Variants in ZNF629 observed in about 807,000 individuals in gnomAD.
ZNF629 encodes the protein DNA-binding protein.
ZNF629 carries 9 observed loss-of-function variants against 59.7 expected under a neutral mutation model. The ratio of observed to expected loss-of-function variants is 0.15; its 90% CI spans 0.09 to 0.26. The LOEUF is 0.26. Ranked by LOEUF, ZNF629 falls within the 10% of genes least tolerant of loss-of-function variation. The pLI is 1.00. For missense variants in ZNF629, 853 were observed against 1,165.4 expected (o/e 0.73, Z 3.90); for synonymous variants, 509 against 498.9 (o/e 1.02, Z -0.27).
chr16:30,780,442 G>A lies in ZNF629; in HGVS notation c.*1276C>T, dbSNP rs1369794225. The A allele has an allele frequency of 2.6e-5, 4 of 152,644 alleles. No individual in the cohort carries two copies. Among genetic ancestry groups the A allele is most frequent in the Admixed American group, 1.3e-4 (2 of 15,284 alleles). The allele number at this position is 152,644 out of a possible 1,614,324, so 9.5% of individuals were successfully genotyped here. A position where few individuals can be genotyped will look rare whatever the true frequency, so the allele number is the denominator to read the frequency against. The stretch of plus-strand genomic sequence containing the variant: ...AGAAATTCTGTGGCCCTGATGACTT[G>A]GAGAAGGCTGGGGAGGCCCACACGC... On this transcript the variant is annotated 3_prime_UTR_variant, in exon 3 of 3. Coordinates refer to ENST00000262525, the MANE Select transcript of ZNF629 (RefSeq NM_001080417.3).
chr16:30,784,751 T>G (rs550161464), intron 1 of ZNF629, among the ~76,000 whole-genome samples: 1 of 152,208 alleles, frequency 6.6e-6, no homozygotes, highest in South Asian at 2.1e-4. Flanking sequence ...TTTAAGAGCG[T>G]AATTAAAAAC....
chr16:30,784,275 T>C, intron 2 of ZNF629, 21 bp from the exon 3 acceptor site: 1 of 1,583,736 alleles, frequency 6.3e-7, no homozygotes. Flanking sequence ...AAAGGGAGTC[T>C]ACAGCCCCCA....
Position 30,782,261 on chromosome 16 carries a change from G to C in ZNF629, c.2067C>G (p.Pro689=), listed in dbSNP as rs746952400. The change falls in exon 3 of 3, where the codon CCC becomes CCG. Residue 689 remains proline (P), a synonymous_variant. Transcript: ENST00000262525. ...QHQLTHGNEK[P]FLFPDYRIGL... ...CAATTCTATAATCAGGAAAGAGAAA[G>C]GGCTTTTCGTTGCCGTGGGTGAGCT... 1 of 1,613,414 alleles carries C rather than the reference G, an allele frequency of 6.2e-7. No individual in the cohort carries two copies. The highest frequency in any genetic ancestry group is 1.7e-5 in the Admixed American group (1 of 59,980).
At chr16:30,784,363 G>A (rs1260340057) in intron 2 of ZNF629, 47 bp downstream of exon 2, 2 of 1,545,544 alleles carry the variant, frequency 1.3e-6, no homozygotes, top group Admixed American at 2.0e-5. Flanking sequence ...TCCCTGAGCC[G>A]GGACCACCGT....
chr16:30,787,022 A>C lies in ZNF629; in HGVS notation c.-34+6T>G, dbSNP rs1303620825. 1.3e-5 allele frequency: 2 copies of C among 152,154 alleles called. No individual in the cohort carries two copies. The highest frequency in any genetic ancestry group is 2.9e-5 in the Non-Finnish European group (2 of 68,020). The allele number at this position is 152,154 out of a possible 1,614,324, so 9.4% of individuals were successfully genotyped here. Reference sequence around the variant, plus strand: ...CCCCCCGGGAACCCAGGCGTCCCCAACTCACGGCTCTGGGGTCTGGGAAAA... The same window carrying C: ...CCCCCCGGGAACCCAGGCGTCCCCACCTCACGGCTCTGGGGTCTGGGAAAA... On this transcript the variant is annotated splice_donor_region_variant and intron_variant, in intron 1 of 2. Coordinates refer to ENST00000262525, the MANE Select transcript of ZNF629 (RefSeq NM_001080417.3).
In ZNF629 at chr16:30,782,028, G is replaced by C; in HGVS notation, c.2300C>G (p.Pro767Arg). Residue 767 changes from proline (P) to arginine (R), a missense_variant, in exon 3 of 3, where the codon CCC becomes CGC. Physicochemically the swap from Pro to Arg is moderately radical, Grantham distance 103 (BLOSUM62 -2). This residue lies in a region of ZNF629 where 420 missense variants were observed against 435.6 expected (regional missense o/e 0.96). Transcript: ENST00000262525. ...EHLRSPLGARPYRCSDCRASF... is the reference protein window; with the variant it reads ...EHLRSPLGARRYRCSDCRASF... ...GGCCCTGCAATCTGAGCAGCGGTAG[G>C]GTCTGGCCCCCAGGGGGCTCCTGAG... is the stretch of plus-strand genomic sequence containing the variant. 6.3e-7 allele frequency: 1 copy of C among 1,575,166 alleles called. No homozygotes were observed. The highest frequency in any genetic ancestry group is 2.2e-5 in the East Asian group (1 of 44,458).
chr16:30,786,922 C>T lies in ZNF629; in HGVS notation c.-34+106G>A, dbSNP rs1484023295. The stretch of plus-strand genomic sequence containing the variant: ...CACAGCCCCGGGCGCGGGTGGGGGG[C>T]TCAGGCCCGGGCTCCCGGCCCCCGC... On this transcript the variant is annotated intron_variant, in intron 1 of 2. Transcript: ENST00000262525. This position sits in a 1 kb window ranked among gnomAD's most constrained non-coding sequence, Gnocchi z 4.8. 6.6e-6 allele frequency: 1 copy of T among 151,692 alleles called. No individual in the cohort carries two copies. The highest frequency in any genetic ancestry group is 6.6e-5 in the Admixed American group (1 of 15,250). 9.4% of individuals were successfully genotyped at this position (151,692 alleles called of 1,614,324 possible).
In ZNF629 at chr16:30,782,224, C is replaced by T. The variant is rs749469472; in HGVS notation, c.2104G>A (p.Gly702Ser). The change falls in exon 3 of 3, where the codon GGC becomes AGC. Residue 702 changes from glycine (G) to serine (S), a missense_variant. Around this residue, in one of 3 missense-constraint regions of ZNF629, gnomAD observed 420 missense variants for 435.6 expected, o/e 0.96. Transcript: ENST00000262525. Reference sequence around the variant, plus strand: ...CTTAAGAAGGGGCTGGGCCCTGCGCCTTCCCCTAGGCCAATTCTATAATCA... The same window carrying T: ...CTTAAGAAGGGGCTGGGCCCTGCGCTTTCCCCTAGGCCAATTCTATAATCA... The part of the protein sequence containing the change: ...FPDYRIGLGE[G>S]AGPSPFLSGK... 1 of 1,613,736 alleles carries T rather than the reference C, an allele frequency of 6.2e-7. No homozygotes were observed.
chr16:30,779,066 G>A lies in ZNF629; in HGVS notation c.*2652C>T, dbSNP rs929493248. 1.1e-4 allele frequency: 17 copies of A among 152,280 alleles called. No individual in the cohort carries two copies. The highest frequency in any genetic ancestry group is 4.1e-4 in the African/African-American group (17 of 41,394). 9.4% of individuals were successfully genotyped at this position (152,280 alleles called of 1,614,324 possible). ...GCAAGAGAGAACACGCCACACCCCAGAGGTATCGAACCCTGCCCCTTTCCT... is the reference window on the plus strand; with the variant it reads ...GCAAGAGAGAACACGCCACACCCCAAAGGTATCGAACCCTGCCCCTTTCCT... On this transcript the variant is annotated 3_prime_UTR_variant, in exon 3 of 3. Transcript: ENST00000262525.
At position 30,781,846 on chromosome 16, in the gene ZNF629, C is replaced by T; in HGVS notation, c.2482G>A (p.Gly828Arg). The T allele has an allele frequency of 1.3e-6, 2 of 1,594,998 alleles. No individual in the cohort carries two copies. The highest frequency in any genetic ancestry group is 1.7e-6 in the Non-Finnish European group (2 of 1,168,736). ...AGGGTTTTGGGGTTTTGCCCTTCCC[C>T]ATGGCTGCTGCTCTCTGTGGGGGTA... ...TPTPTESSSH[G>R]EGQNPKTLVE... The change falls in exon 3 of 3, where the codon GGG (glycine) becomes AGG (arginine). Residue 828 changes from glycine to arginine, a missense_variant. Physicochemically the swap from Gly to Arg is moderately radical, Grantham distance 125. Transcript: ENST00000262525.
At chr16:30,785,172 G>A (rs1459224132) in intron 1 of ZNF629, among the ~76,000 whole-genome samples, 1 of 152,110 alleles carries the variant, frequency 6.6e-6, no homozygotes, top group Non-Finnish European at 1.5e-5. Flanking sequence ...TAAGGAGAAG[G>A]GGAGGATGGA....
At position 30,778,722 on chromosome 16, in the gene ZNF629, C is replaced by T. The variant is rs964599538; in HGVS notation, c.*2996G>A. On this transcript the variant is annotated 3_prime_UTR_variant, in exon 3 of 3. Transcript: ENST00000262525. ...CCAGTTCCAAGTTCCCATCTGACCT[C>T]CATGTCCATAGCAGTTTCAAGTTTC... 6.6e-6 allele frequency: 1 copy of T among 152,592 alleles called. No homozygotes were observed. Among genetic ancestry groups the T allele is most frequent in the Non-Finnish European group, 1.5e-5 (1 of 68,300 alleles). The allele number at this position is 152,592 out of a possible 1,614,324, so 9.5% of individuals were successfully genotyped here.
At chr16:30,784,314 C>G in intron 2 of ZNF629, 60 bp from the exon 3 acceptor site, 1 of 1,554,624 alleles carries the variant, frequency 6.4e-7, no homozygotes, top group Non-Finnish European at 8.7e-7. Flanking sequence ...GGTTTGGTCT[C>G]TCTTCCCTCC....
At position 30,781,532 on chromosome 16, in the gene ZNF629, CCCA is replaced by C; in HGVS notation, c.*183_*185del. ...TTTCTCTACTGCCTTATAAGTGCTTCCCACCAACAATTTTATAGGGTTTCTCAT... is the reference window on the plus strand; with the variant it reads ...TTTCTCTACTGCCTTATAAGTGCTTCCCAACAATTTTATAGGGTTTCTCAT... On this transcript the variant is annotated 3_prime_UTR_variant, in exon 3 of 3. Transcript: ENST00000262525. 1 of 496,354 alleles carries C rather than the reference CCCA, an allele frequency of 2.0e-6. No individual in the cohort carries two copies. Among genetic ancestry groups the C allele is most frequent in the Non-Finnish European group, 3.3e-6 (1 of 301,522 alleles). The allele number at this position is 496,354 out of a possible 1,614,324, so 30.7% of individuals were successfully genotyped here.
chr16:30,784,473 C>T lies in ZNF629; in HGVS notation c.10G>A (p.Glu4Lys), dbSNP rs374972176. 2.5e-5 allele frequency: 39 copies of T among 1,550,598 alleles called. No homozygotes were observed. The highest frequency in any genetic ancestry group is 4.7e-5 in the South Asian group (4 of 84,374). Residue 4 changes from glutamate (E) to lysine (K), a missense_variant, in exon 2 of 3, where the codon GAG (glutamate) becomes AAG (lysine). Physicochemically the swap from Glu to Lys is moderately conservative, Grantham distance 56 (BLOSUM62 1). Around this residue, in one of 3 missense-constraint regions of ZNF629, gnomAD observed 232 missense variants for 193.4 expected, o/e 1.20. Coordinates refer to ENST00000262525, the MANE Select transcript of ZNF629 (RefSeq NM_001080417.3). MEP[E>K]TALWGPDLQG... ...AGATCCGGGCCCCACAGCGCAGTCT[C>T]GGGCTCCATCCCAGAGCTCAGGACT... is the stretch of plus-strand genomic sequence containing the variant.
Position 30,783,074 on chromosome 16 carries a change from G to C in ZNF629, c.1254C>G (p.Ile418Met). The C allele has an allele frequency of 6.2e-7, 1 of 1,612,068 alleles. No individual in the cohort carries two copies. The highest frequency in any genetic ancestry group is 2.2e-5 in the East Asian group (1 of 44,782). ...CGCCGCGGTGGATGCGCTGGTGGTT[G>C]ATGAGGTTGGAGCTGACGCTGAAGC... ...GKSFSVSSNL[I>M]NHQRIHRGER... The change falls in exon 3 of 3, where the codon ATC becomes ATG. Residue 418 changes from isoleucine to methionine, a missense_variant. Ile to Met is a conservative substitution (Grantham distance 10). Coordinates refer to ENST00000262525, the MANE Select transcript of ZNF629 (RefSeq NM_001080417.3).
rs760412711 is a variant in ZNF629, at chr16:30,782,162, G to A, written c.2166C>T (p.Ser722=). 9.3e-6 allele frequency: 15 copies of A among 1,613,380 alleles called. No individual in the cohort carries two copies. The highest frequency in any genetic ancestry group is 4.4e-5 in the South Asian group (4 of 91,082). Residue 722 remains serine (S), a synonymous_variant, in exon 3 of 3, where the codon AGC becomes AGT. Coordinates refer to ENST00000262525, the MANE Select transcript of ZNF629 (RefSeq NM_001080417.3). ...KPFKCPECKQ[S]FGLSSELLLH... ...GCAGCAGCTCAGAGCTGAGGCCAAAGCTTTGTTTGCATTCAGGGCATTTAA... is the reference window on the plus strand; with the variant it reads ...GCAGCAGCTCAGAGCTGAGGCCAAAACTTTGTTTGCATTCAGGGCATTTAA...
At position 30,783,779 on chromosome 16, in the gene ZNF629, G is replaced by A. The variant is rs1484191612; in HGVS notation, c.549C>T (p.Cys183=). ...GCGAGCTCTGCGTGAAGCTCTTGCC[G>A]CACTCGGAGCAGGTGTTGGGCCGCT... ...TGERPNTCSE[C]GKSFTQSSHL... The change falls in exon 3 of 3, where the codon TGC becomes TGT. Residue 183 remains cysteine (C), a synonymous_variant. Transcript: ENST00000262525. 2 of 1,613,590 alleles carry A rather than the reference G, an allele frequency of 1.2e-6. No individual in the cohort carries two copies. Among genetic ancestry groups the A allele is most frequent in the South Asian group, 1.1e-5 (1 of 91,062 alleles).
intron 1 of ZNF629, among the ~76,000 whole-genome samples, chr16:30,785,242 A>T (rs1202060858): frequency 6.6e-6 from 1 of 152,174 alleles, no homozygotes; most frequent in East Asian, 1.9e-4. Context: ...TCTCTCACCC[A>T]GTCCTCCCAC....
Sources: gnomAD v4.1 joint callset for allele counts (sites outside exome capture counted in the v4.1 genomes callset) on GRCh38, gnomAD v4.1.1 for gene constraint, gnomAD v4.1.1 regional missense constraint, Gnocchi (gnomAD v3.1) non-coding constraint, MANE v1.5 for transcripts, NCBI Gene and HGNC (gene_info 2026-07-23, HGNC 2026-07-21) for gene names.